The following INTS6L variants were observed in gnomAD, a reference collection of about 807,000 sequenced individuals.
The protein encoded by INTS6L is integrator complex subunit 6 like.
A neutral mutation model predicts 64.7 loss-of-function variants in INTS6L; 18 were observed. That is an observed-to-expected ratio of 0.28 (90% CI 0.19 to 0.41). The LOEUF is 0.41. INTS6L is among the 10% of genes least tolerant of loss of function. The pLI, the probability that INTS6L is intolerant of heterozygous loss-of-function variation, is 1.00. For missense variants in INTS6L, 533 were observed against 661.0 expected (o/e 0.81, Z 2.12); for synonymous variants, 227 against 235.9 (o/e 0.96, Z 0.34).
chrX:135,547,053 G>A, intron 5 of INTS6L, 84 bp from the exon 6 acceptor site: 6 of 1,146,245 alleles, frequency 5.2e-6, no homozygotes, highest in Non-Finnish European at 7.0e-6. Flanking sequence ...ATTATTTCAA[G>A]TTATATTTTA....
At chrX:135,566,583 A>T (rs1446731815) in intron 9 of INTS6L, among the ~76,000 whole-genome samples, 14 of 111,908 alleles carry the variant, frequency 1.3e-4, no homozygotes, top group African/African-American at 4.5e-4. Context: ...TGAAAGTTTA[A>T]TTACTTATGC....
chrX:135,536,296 T>G (rs1217621351), intron 2 of INTS6L, among the ~76,000 whole-genome samples: 1 of 112,149 alleles, frequency 8.9e-6, no homozygotes, highest in Non-Finnish European at 1.9e-5. Flanking sequence ...ATCATTCAAC[T>G]ATTTTTTTTT....
intron 2 of INTS6L, among the ~76,000 whole-genome samples, chrX:135,528,619 G>A (rs2085806358): frequency 8.9e-6 from 1 of 111,930 alleles, no homozygotes; most frequent in Non-Finnish European, 1.9e-5. Flanking sequence ...CTGTCAGTGG[G>A]TGCTTCAACA....
chrX:135,545,935 T>C (rs1211566206), intron 3 of INTS6L, among the ~76,000 whole-genome samples: 2 of 111,917 alleles, frequency 1.8e-5, no homozygotes, highest in Non-Finnish European at 3.8e-5. Context: ...TAGCATTTGC[T>C]GTTGCTCCCA....
At chrX:135,567,724 G>A (rs1399835774) in intron 9 of INTS6L, among the ~76,000 whole-genome samples, 2 of 111,752 alleles carry the variant, frequency 1.8e-5, no homozygotes, top group African/African-American at 6.5e-5. Context: ...TATATCCATG[G>A]TCTCTCATTC....
intron 6 of INTS6L, among the ~76,000 whole-genome samples, chrX:135,548,019 A>G (rs1430205324): frequency 1.0e-5 from 1 of 98,733 alleles, no homozygotes; most frequent in Non-Finnish European, 2.0e-5. Flanking sequence ...TAGAAAGTCT[A>G]TGTGTATATG....
rs782275062 is a variant in INTS6L at position 135,579,813 on chromosome X, T to C, written c.2145T>C (p.His715=). The part of the protein sequence containing the change: ...HTDATIIHDG[H]EEKMENGQIT... ...ATGCTACTATCATTCACGATGGCCA[T>C]GAGGAGAAGATGGAAAATGGTCAGA... Residue 715 remains histidine, a synonymous_variant, in exon 16 of 18, where the codon CAT becomes CAC. Coordinates refer to ENST00000639893, the MANE Select transcript of INTS6L (RefSeq NM_001351601.3). 3.2e-4 allele frequency: 379 copies of C among 1,191,723 alleles called. 1 individual carries two copies. In the South Asian group the frequency reaches 6.6e-3, roughly 21 times the overall value.
intron 15 of INTS6L, 48 bp downstream of exon 15, chrX:135,577,475 A>G: frequency 9.0e-7 from 1 of 1,108,275 alleles, no homozygotes; most frequent in South Asian, 2.0e-5. Context: ...GAGGACTAAG[A>G]CGCTAAACAA....
intron 7 of INTS6L, among the ~76,000 whole-genome samples, chrX:135,550,586 A>G (rs2086476655): frequency 1.8e-5 from 2 of 111,069 alleles, no homozygotes; most frequent in Admixed American, 1.9e-4. Context: ...ACAAATCACT[A>G]CTTCTTCTAT....
chrX:135,534,700 T>A (rs1489380946), intron 2 of INTS6L, among the ~76,000 whole-genome samples: 17 of 104,888 alleles, frequency 1.6e-4, no homozygotes, highest in Middle Eastern at 4.7e-3. Flanking sequence ...TTTTTTTTTT[T>A]TAAATAGAGT....
intron 15 of INTS6L, 98 bp from the exon 16 acceptor site, chrX:135,579,690 T>A: frequency 9.3e-7 from 1 of 1,070,893 alleles, no homozygotes; most frequent in Non-Finnish European, 1.2e-6. Flanking sequence ...TCCTGCTTTA[T>A]GAGATAATTT....
intron 8 of INTS6L, among the ~76,000 whole-genome samples, chrX:135,554,455 C>T (rs1464892613): frequency 4.5e-5 from 5 of 111,549 alleles, no homozygotes; most frequent in Non-Finnish European, 9.4e-5. Flanking sequence ...TGTTTTAGTA[C>T]AACTCATGTT....
rs782070988 is a variant in INTS6L, at chrX:135,568,756, G to C, written c.1193-581G>C. Among the ~76,000 whole-genome samples, 186 of 110,272 alleles carry C rather than the reference G, an allele frequency of 1.7e-3. 1 individual carries two copies. The highest frequency in any genetic ancestry group is 6.1e-3 in the African/African-American group (184 of 30,304). Reference sequence around the variant, plus strand: ...GACAGGGGTCTCATTATGTTGCCCAGGCTGGTCTCAAACTTCTGGGCTCAA... The same window carrying C: ...GACAGGGGTCTCATTATGTTGCCCACGCTGGTCTCAAACTTCTGGGCTCAA... On this transcript the variant is annotated intron_variant, in intron 9 of 17. Transcript: ENST00000639893.
intron 8 of INTS6L, among the ~76,000 whole-genome samples, chrX:135,555,811 C>T (rs1048137773): frequency 9.0e-6 from 1 of 111,344 alleles, no homozygotes; most frequent in African/African-American, 3.3e-5. Context: ...GCTCAGCCTC[C>T]CAAGGATCTG....
rs1318059140 is a variant in INTS6L, at chrX:135,577,346, C to G, written c.2038C>G (p.His680Asp). 1 of 1,209,938 alleles carries G rather than the reference C, an allele frequency of 8.3e-7. No homozygotes were observed. Among genetic ancestry groups the G allele is most frequent in the African/African-American group, 1.8e-5 (1 of 57,075 alleles). ...ACAAACACCACCTACTGTAACTAAC[C>G]ATGTGGGCGGAAAGGGACCACCCTC... ...KPQTPPTVTNHVGGKGPPSAS... is the reference protein window; with the variant it reads ...KPQTPPTVTNDVGGKGPPSAS... The change falls in exon 15 of 18, where the codon CAT (histidine) becomes GAT (aspartate). Residue 680 changes from histidine to aspartate, a missense_variant. His to Asp is a moderately conservative substitution (Grantham distance 81, BLOSUM62 -1). Transcript: ENST00000639893.
chrX:135,581,882 A>T lies in INTS6L; in HGVS notation c.*246A>T. On this transcript the variant is annotated 3_prime_UTR_variant, in exon 18 of 18. Transcript: ENST00000639893. ...TTGAGGAAGCTGATGTTATTAATTCACAGGCTAAATTCGGTAAACACCACT... is the reference window on the plus strand; with the variant it reads ...TTGAGGAAGCTGATGTTATTAATTCTCAGGCTAAATTCGGTAAACACCACT... 1 of 294,089 alleles carries T rather than the reference A, an allele frequency of 3.4e-6. No individual in the cohort carries two copies. The highest frequency in any genetic ancestry group is 5.9e-6 in the Non-Finnish European group (1 of 168,566). 24.2% of individuals were successfully genotyped at this position (294,089 alleles called of 1,213,427 possible).
chrX:135,529,185 AG>A (rs1360480241), intron 2 of INTS6L, among the ~76,000 whole-genome samples: 1 of 112,521 alleles, frequency 8.9e-6, no homozygotes, highest in Non-Finnish European at 1.9e-5. Context: ...CAGTGTTATT[AG>A]AAATATGTAA....
chrX:135,566,441 AG>A (rs1403024936), intron 9 of INTS6L, among the ~76,000 whole-genome samples: 1 of 111,858 alleles, frequency 8.9e-6, no homozygotes, highest in Non-Finnish European at 1.9e-5. Flanking sequence ...AGTTAGTAAA[AG>A]GGCAAGTTAA....
intron 2 of INTS6L, among the ~76,000 whole-genome samples, chrX:135,529,569 A>G (rs1265334216): frequency 6.3e-5 from 7 of 111,966 alleles, no homozygotes; most frequent in African/African-American, 2.0e-4. Context: ...ATAAGCACCA[A>G]TGTCTAATTC....
Sources: gnomAD v4.1 joint callset for allele counts (sites outside exome capture counted in the v4.1 genomes callset) on GRCh38, gnomAD v4.1.1 for gene constraint, MANE v1.5 for transcripts, NCBI Gene and HGNC (gene_info 2026-07-23, HGNC 2026-07-21) for gene names.